Variants in RBM47 observed in about 807,000 individuals in gnomAD.
RBM47 encodes RNA-binding protein 47.
RBM47 carries 21 observed loss-of-function variants against 47.1 expected under a neutral mutation model. The ratio of observed to expected loss-of-function variants is 0.45; its 90% confidence interval spans 0.32 to 0.64. The LOEUF (loss-of-function observed/expected upper bound fraction) is 0.64, where lower values mean the gene tolerates loss of function less well. Among genes scored for constraint, RBM47 ranks in the 30% least tolerant of loss-of-function variants. The probability of loss-of-function intolerance (pLI) is 0.05; values close to 1 mark genes in which losing one functional copy is unlikely to be tolerated. For missense variants in RBM47, 708 were observed against 870.9 expected, an observed-to-expected ratio of 0.81 and a Z score of 2.35; for synonymous variants, 375 against 361.7, an observed-to-expected ratio of 1.04 and a Z score of -0.42.
chr4:40,452,156 C>T (rs184690058), intron 3 of RBM47, among the ~76,000 whole-genome samples: 103 of 146,060 alleles, frequency 7.1e-4, no homozygotes, highest in Admixed American at 5.4e-3. Flanking sequence ...GGCAACAGAG[C>T]GAGACTCCAT....
chr4:40,589,480 A>G (rs1368583860), intron 1 of RBM47, among the ~76,000 whole-genome samples: 5 of 151,046 alleles, frequency 3.3e-5, no homozygotes, highest in African/African-American at 1.2e-4. Context: ...CCTGCTTTCC[A>G]TGCTGGAGTG....
At chr4:40,563,191 AAAAT>A (rs879379206) in intron 1 of RBM47, among the ~76,000 whole-genome samples, 3 of 152,280 alleles carry the variant, frequency 2.0e-5, no homozygotes, top group Admixed American at 1.3e-4. Flanking sequence ...ACTCCATCTC[AAAAT>A]AAATAAATAA....
intron 1 of RBM47, among the ~76,000 whole-genome samples, chr4:40,599,171 T>C (rs1404732216): frequency 2.0e-5 from 3 of 148,636 alleles, no homozygotes; most frequent in Non-Finnish European, 4.4e-5. Flanking sequence ...GGCAAGAGAA[T>C]GGCTTGAACC....
chr4:40,527,892 C>T lies in RBM47; in HGVS notation c.-155+16530G>A, dbSNP rs538770363. Among the ~76,000 whole-genome samples the T allele has an allele frequency of 7.2e-5, 11 of 152,160 alleles. No homozygotes were observed. The East Asian group carries it at 2.1e-3, about 29-fold the overall frequency. ...GTTTACCCTTGAGGAAACTGACCTG[C>T]TTCAGTTAAATGAGATATTCTAAGT... On this transcript the variant is annotated intron_variant, in intron 2 of 6. Transcript: ENST00000295971.
At chr4:40,552,605 C>T (rs1030689576) in intron 1 of RBM47, among the ~76,000 whole-genome samples, 1 of 152,120 alleles carries the variant, frequency 6.6e-6, no homozygotes, top group African/African-American at 2.4e-5. Flanking sequence ...TTTTTAAACA[C>T]GGTCACGTCA....
At chr4:40,590,058 C>A (rs572432103) in intron 1 of RBM47, among the ~76,000 whole-genome samples, 1 of 152,208 alleles carries the variant, frequency 6.6e-6, no homozygotes, top group South Asian at 2.1e-4. Flanking sequence ...AATTGAGAAG[C>A]CTTTCCCCAA....
chr4:40,619,259 T>C (rs1201275456), intron 1 of RBM47, among the ~76,000 whole-genome samples: 2 of 152,078 alleles, frequency 1.3e-5, no homozygotes, highest in Non-Finnish European at 2.9e-5. Context: ...TGAGACCCTG[T>C]CTCTACAAAA....
rs369526936 is a variant in RBM47, at chr4:40,438,918, C to T, written c.-25G>A. ...TAATGTCAAAGGCATCCACAGCTGGCGGAAACCTGGGGAAGCAGAAAGAAG... is the reference window on the plus strand; with the variant it reads ...TAATGTCAAAGGCATCCACAGCTGGTGGAAACCTGGGGAAGCAGAAAGAAG... On this transcript the variant is annotated 5_prime_UTR_variant, in exon 4 of 7. Transcript: ENST00000295971. The T allele has an allele frequency of 6.6e-7, 1 of 1,507,904 alleles. No individual in the cohort carries two copies. Among genetic ancestry groups the T allele is most frequent in the South Asian group, 1.2e-5 (1 of 81,078 alleles). The allele number at this position is 1,507,904 out of a possible 1,614,324, so 93.4% of individuals were successfully genotyped here. A position where few individuals can be genotyped will look rare whatever the true frequency, so the allele number is the denominator to read the frequency against.
intron 3 of RBM47, among the ~76,000 whole-genome samples, chr4:40,455,091 C>T (rs1333855774): frequency 6.6e-6 from 1 of 152,210 alleles, no homozygotes; most frequent in African/African-American, 2.4e-5. Flanking sequence ...TTCCCCTCTG[C>T]ACTCTCCCCA....
intron 6 of RBM47, among the ~76,000 whole-genome samples, chr4:40,429,170 C>T (rs1715503248): frequency 6.6e-6 from 1 of 152,040 alleles, no homozygotes; most frequent in Non-Finnish European, 1.5e-5. Flanking sequence ...ATCAGATTGA[C>T]CGTCAAGGAA....
chr4:40,602,226 T>C (rs937043315), intron 1 of RBM47, among the ~76,000 whole-genome samples: 26 of 151,994 alleles, frequency 1.7e-4, no homozygotes, highest in African/African-American at 6.0e-4. Context: ...TCCATTTTTC[T>C]CCTATGGAGA....
At position 40,425,491 on chromosome 4, in the gene RBM47, CAA is replaced by C. The variant is rs1181992483; in HGVS notation, c.*411_*412del. The C allele has an allele frequency of 6.4e-6, 1 of 157,394 alleles. No individual in the cohort carries two copies. The highest frequency in any genetic ancestry group is 2.4e-5 in the African/African-American group (1 of 41,462). 9.7% of individuals were successfully genotyped at this position (157,394 alleles called of 1,614,324 possible). A position where few individuals can be genotyped will look rare whatever the true frequency, so the allele number is the denominator to read the frequency against. On this transcript the variant is annotated 3_prime_UTR_variant, in exon 7 of 7. Transcript: ENST00000295971. ...TTTTCAAAATAGTTCCCTAGCTCCTCAAGTGTGCTTTTTTAATATATAGTTGA... is the reference window on the plus strand; with the variant it reads ...TTTTCAAAATAGTTCCCTAGCTCCTCGTGTGCTTTTTTAATATATAGTTGA...
At chr4:40,575,770 G>A (rs775276195) in intron 1 of RBM47, among the ~76,000 whole-genome samples, 4 of 152,270 alleles carry the variant, frequency 2.6e-5, no homozygotes, top group South Asian at 2.1e-4. Flanking sequence ...CATTCTGTCC[G>A]CCAAGAGTAC....
At chr4:40,570,240 A>G (rs956775629) in intron 1 of RBM47, among the ~76,000 whole-genome samples, 1 of 151,878 alleles carries the variant, frequency 6.6e-6, no homozygotes, top group Non-Finnish European at 1.5e-5. Context: ...CTTTATTTCT[A>G]TTATTACATT....
chr4:40,495,209 T>A (rs1722409300), intron 2 of RBM47, among the ~76,000 whole-genome samples: 1 of 152,186 alleles, frequency 6.6e-6, no homozygotes, highest in Non-Finnish European at 1.5e-5. Context: ...ACTATGGGGA[T>A]GGGATGACCG....
intron 3 of RBM47, among the ~76,000 whole-genome samples, chr4:40,441,274 C>A (rs114892031): frequency 9.2e-5 from 13 of 141,394 alleles, no homozygotes; most frequent in South Asian, 2.2e-4. Flanking sequence ...AAAAAGGAAC[C>A]AAAAAAAAAA....
rs943553099 is a variant in RBM47 at position 40,424,077 on chromosome 4, C to T, written c.*1827G>A. ...AGAATAGTTAAATAAATATTGCTTACACATAAAAACTCATCTCATTTCAAG... is the reference window on the plus strand; with the variant it reads ...AGAATAGTTAAATAAATATTGCTTATACATAAAAACTCATCTCATTTCAAG... On this transcript the variant is annotated 3_prime_UTR_variant, in exon 7 of 7. Transcript: ENST00000295971. 3.9e-5 allele frequency: 6 copies of T among 152,156 alleles called. No homozygotes were observed. The highest frequency in any genetic ancestry group is 1.4e-4 in the African/African-American group (6 of 41,430). 9.4% of individuals were successfully genotyped at this position (152,156 alleles called of 1,614,324 possible). A position where few individuals can be genotyped will look rare whatever the true frequency, so the allele number is the denominator to read the frequency against.
intron 3 of RBM47, among the ~76,000 whole-genome samples, chr4:40,441,253 G>A (rs371788715): frequency 2.9e-5 from 4 of 136,728 alleles, no homozygotes; most frequent in African/African-American, 5.2e-5. Flanking sequence ...GAAAGACCTC[G>A]TTCTCCACAA....
chr4:40,430,535 T>C (rs1266289275), intron 6 of RBM47, among the ~76,000 whole-genome samples: 1 of 152,248 alleles, frequency 6.6e-6, no homozygotes, highest in Non-Finnish European at 1.5e-5. Flanking sequence ...TCTTTTTGTC[T>C]TTCAGAGATC....
Sources: allele counts gnomAD v4.1 joint callset (sites outside exome capture counted in the v4.1 genomes callset), GRCh38; gene constraint gnomAD v4.1.1; transcripts MANE v1.5; gene names NCBI Gene and HGNC (gene_info 2026-07-23, HGNC 2026-07-21).